MRPL10: variants seen among roughly 807,000 people sequenced by gnomAD.
The protein encoded by MRPL10 is large ribosomal subunit protein uL10m.
A neutral mutation model predicts 19.8 loss-of-function variants in MRPL10; 14 were observed. The ratio of observed to expected loss-of-function variants is 0.71; its 90% confidence interval spans 0.47 to 1.11. The LOEUF (loss-of-function observed/expected upper bound fraction) is 1.11. Among genes scored for constraint, MRPL10 ranks in the 50% least tolerant of loss-of-function variants. MRPL10 has a pLI of 0.00. For missense variants in MRPL10, 318 were observed against 339.6 expected, an observed-to-expected ratio of 0.94 and a Z score of 0.50; for synonymous variants, 129 against 139.2, an observed-to-expected ratio of 0.93 and a Z score of 0.52.
chr17:47,828,389 A>G, intron 2 of MRPL10, 112 bp downstream of exon 2: 1 of 724,414 alleles, frequency 1.4e-6, no homozygotes, highest in Non-Finnish European at 2.1e-6. Context: ...TCAAACTGAA[A>G]TAATGACGTG....
chr17:47,826,146 CAAAAAAAAAA>C (rs67519028), intron 4 of MRPL10, among the ~76,000 whole-genome samples: 2 of 74,176 alleles, frequency 2.7e-5, no homozygotes, highest in East Asian at 7.1e-4. Context: ...GACTCCATCT[CAAAAAAAAAA>C]AAAAAAAAAA....
Position 47,826,729 on chromosome 17 carries a change from A to G in MRPL10, c.440T>C (p.Phe147Ser), listed in dbSNP as rs781043360. The G allele has an allele frequency of 1.2e-6, 2 of 1,614,100 alleles. No individual in the cohort carries two copies. Among genetic ancestry groups the G allele is most frequent in the Non-Finnish European group, 1.7e-6 (2 of 1,180,038 alleles). ...DSKYQNLLPL[F>S]VGHNMLLVSE... ...GACCAGCAGCATGTTGTGCCCCACA[A>G]AAAGGGGCAGCAGATTTTGGTACTT... is the stretch of plus-strand genomic sequence containing the variant. Residue 147 changes from phenylalanine (F) to serine (S), a missense_variant, in exon 4 of 5, where the codon TTT becomes TCT. Transcript: ENST00000351111.
Position 47,828,449 on chromosome 17 carries a change from C to T in MRPL10, c.222+52G>A, listed in dbSNP as rs137871555. ...TTCACTATGGCCAGAGACAAGATTA[C>T]TTTAATCCACCATCCCACCACCAAG... On this transcript the variant is annotated intron_variant, in intron 2 of 4. Coordinates refer to ENST00000351111, the MANE Select transcript of MRPL10 (RefSeq NM_145255.4). 6.7e-5 allele frequency: 88 copies of T among 1,314,222 alleles called. No homozygotes were observed. In the East Asian group the frequency reaches 2.3e-3, roughly 35 times the overall value. The allele number at this position is 1,314,222 out of a possible 1,614,324, so 81.4% of individuals were successfully genotyped here. A position where few individuals can be genotyped will look rare whatever the true frequency, so the allele number is the denominator to read the frequency against.
chr17:47,828,413 G>C, intron 2 of MRPL10, 88 bp downstream of exon 2: 1 of 924,856 alleles, frequency 1.1e-6, no homozygotes, highest in Non-Finnish European at 1.5e-6. Context: ...GACAATGGCT[G>C]AGTGTCCTAC....
chr17:47,826,386 T>C (rs1208356773), intron 4 of MRPL10, among the ~76,000 whole-genome samples: 1 of 152,124 alleles, frequency 6.6e-6, no homozygotes, highest in Non-Finnish European at 1.5e-5. Context: ...ACTCAAGGTA[T>C]CTAAATTTTC....
chr17:47,829,748 G>A (rs775985981), intron 1 of MRPL10: 4 of 152,240 alleles, frequency 2.6e-5, no homozygotes, highest in Non-Finnish European at 5.9e-5. Flanking sequence ...AATTAGCCAG[G>A]CGTGGTGGCA....
Position 47,831,469 on chromosome 17 carries a change from G to A in MRPL10, c.43C>T (p.Pro15Ser). The A allele has an allele frequency of 1.3e-6, 2 of 1,548,886 alleles. No individual in the cohort carries two copies. The highest frequency in any genetic ancestry group is 3.9e-5 in the Admixed American group (2 of 50,942). ...VAGMLRGGLLPQAGRLPTLQT... is the reference protein window; with the variant it reads ...VAGMLRGGLLSQAGRLPTLQT... ...CTGGGCCACTCCTTACCCGCCTGGGGCAGGAGACCCCCTCGCAGCATCCCC... is the reference window on the plus strand; with the variant it reads ...CTGGGCCACTCCTTACCCGCCTGGGACAGGAGACCCCCTCGCAGCATCCCC... The change falls in exon 1 of 5, where the codon CCC (proline) becomes TCC (serine). Residue 15 changes from proline (P) to serine (S), a missense_variant. Transcript: ENST00000351111.
chr17:47,824,200 G>A lies in MRPL10; in HGVS notation c.*5C>T. On this transcript the variant is annotated 3_prime_UTR_variant, in exon 5 of 5. Coordinates refer to ENST00000351111, the MANE Select transcript of MRPL10 (RefSeq NM_145255.4). Reference sequence around the variant, plus strand: ...TTTATGCGCAGGGCTGGCTAAACAGGCTGGCTACGAGTCCGGAACAGTGTC... The same window carrying A: ...TTTATGCGCAGGGCTGGCTAAACAGACTGGCTACGAGTCCGGAACAGTGTC... 3 of 1,614,160 alleles carry A rather than the reference G, an allele frequency of 1.9e-6. No homozygotes were observed.
intron 1 of MRPL10, 135 bp downstream of exon 1, chr17:47,831,325 G>A (rs1389918636): frequency 6.5e-7 from 1 of 1,534,648 alleles, no homozygotes; most frequent in African/African-American, 1.4e-5. Context: ...CGAGTCACAA[G>A]GAACTGGACG....
At chr17:47,830,790 G>A (rs1027922639) in intron 1 of MRPL10, among the ~76,000 whole-genome samples, 2 of 152,200 alleles carry the variant, frequency 1.3e-5, no homozygotes, top group Non-Finnish European at 2.9e-5. Flanking sequence ...ACAAGCGTGA[G>A]CCACCGCGCC....
chr17:47,827,894 C>A (rs1418207581), intron 2 of MRPL10, among the ~76,000 whole-genome samples: 183 of 45,688 alleles, frequency 4.0e-3, no homozygotes, highest in South Asian at 8.6e-3. Context: ...CTCTGTCTCA[C>A]AAAAAAAAAA....
chr17:47,827,275 G>T, intron 2 of MRPL10, 71 bp from the exon 3 acceptor site: 1 of 1,420,506 alleles, frequency 7.0e-7, no homozygotes, highest in African/African-American at 1.4e-5. Context: ...TCCCTCTGTG[G>T]TAGGTTCTAG....
intron 4 of MRPL10, among the ~76,000 whole-genome samples, chr17:47,826,069 C>T (rs1201966569): frequency 1.4e-5 from 2 of 148,106 alleles, no homozygotes; most frequent in Non-Finnish European, 1.5e-5. Flanking sequence ...ATTGCTTGAA[C>T]CCAGGAGACA....
intron 1 of MRPL10, among the ~76,000 whole-genome samples, chr17:47,829,867 G>A (rs866682524): frequency 6.6e-6 from 1 of 151,712 alleles, no homozygotes; most frequent in African/African-American, 2.4e-5. Flanking sequence ...CCGGCACTCC[G>A]GCCTGGGTGA....
Position 47,824,477 on chromosome 17 carries a change from A to G in MRPL10, c.533-19T>C. On this transcript the variant is annotated intron_variant, in intron 4 of 4. Coordinates refer to ENST00000351111, the MANE Select transcript of MRPL10 (RefSeq NM_145255.4). The stretch of plus-strand genomic sequence containing the variant: ...CAGCCACCTGGAAGAACACAGGGTC[A>G]GTTAGGCTCCTTGCAGATTGCCTTT... 1 of 1,515,594 alleles carries G rather than the reference A, an allele frequency of 6.6e-7. No individual in the cohort carries two copies. The highest frequency in any genetic ancestry group is 8.8e-7 in the Non-Finnish European group (1 of 1,134,630). The allele number at this position is 1,515,594 out of a possible 1,614,324, so 93.9% of individuals were successfully genotyped here.
chr17:47,831,286 A>G, intron 1 of MRPL10, 174 bp downstream of exon 1: 1 of 1,513,034 alleles, frequency 6.6e-7, no homozygotes, highest in Non-Finnish European at 8.8e-7. Context: ...GACAGACAAC[A>G]TCTGGACGTT....
chr17:47,831,406 G>A (rs749460305), intron 1 of MRPL10, 54 bp downstream of exon 1: 9 of 1,546,874 alleles, frequency 5.8e-6, no homozygotes, highest in Non-Finnish European at 7.8e-6. Flanking sequence ...GAGGGCAGAT[G>A]AGGACTAGAG....
At chr17:47,827,758 C>T (rs2033557061) in intron 2 of MRPL10, among the ~76,000 whole-genome samples, 1 of 151,754 alleles carries the variant, frequency 6.6e-6, no homozygotes, top group Non-Finnish European at 1.5e-5. Context: ...ATTAGCTGAG[C>T]ATGGTGGCAT....
intron 1 of MRPL10, chr17:47,829,389 C>G (rs147530702): frequency 3.3e-5 from 5 of 152,320 alleles, no homozygotes; most frequent in Non-Finnish European, 7.3e-5. Context: ...GTTTGGGGCC[C>G]ATGTAATCTG....
Sources: gnomAD v4.1 joint callset for allele counts (sites outside exome capture counted in the v4.1 genomes callset) on GRCh38, gnomAD v4.1.1 for gene constraint, MANE v1.5 for transcripts, NCBI Gene and HGNC (gene_info 2026-07-23, HGNC 2026-07-21) for gene names.